The following FREM2 variants were observed in gnomAD, a reference collection of about 807,000 sequenced individuals.
The protein encoded by FREM2 is FRAS1 related extracellular matrix 2, also known as FRAS1-related extracellular matrix protein 2.
FREM2 carries 119 observed loss-of-function variants against 219.9 expected under a neutral mutation model. The observed-to-expected ratio is 0.54, with a 90% CI of 0.47 to 0.63. The LOEUF is 0.63. Among genes scored for constraint, FREM2 ranks in the 30% least tolerant of loss-of-function variants. FREM2 has a pLI of 0.00. For synonymous variants in FREM2, 1,562 were observed against 1,522.8 expected, an observed-to-expected ratio of 1.03 and a Z score of -0.60; for missense variants, 4,030 against 3,993.6, an observed-to-expected ratio of 1.01 and a Z score of -0.25.
At chr13:38,864,254 A>G (rs1447124086) in intron 15 of FREM2, 21 bp from the exon 16 acceptor site, 3 of 1,591,186 alleles carry the variant, frequency 1.9e-6, no homozygotes, top group Non-Finnish European at 2.6e-6. Context: ...GACTGTTAAC[A>G]ATGATTTCGA....
At position 38,764,195 on chromosome 13, in the gene FREM2, A is replaced by G. The variant is rs1274327802; in HGVS notation, c.5264-109A>G. On this transcript the variant is annotated intron_variant, in intron 2 of 23. Transcript: ENST00000280481. ...TATTCCAGAGTTGTGTATCAAACTA[A>G]GTAGCTGTATTGATTGTTAATGTTG... is the stretch of plus-strand genomic sequence containing the variant. The G allele has an allele frequency of 3.8e-6, 3 of 785,750 alleles. No homozygotes were observed. The African/African-American group carries it at 5.1e-5, about 13-fold the overall frequency. The allele number at this position is 785,750 out of a possible 1,614,324, so 48.7% of individuals were successfully genotyped here.
At chr13:38,843,033 C>T (rs1432301677) in intron 6 of FREM2, among the ~76,000 whole-genome samples, 1 of 152,046 alleles carries the variant, frequency 6.6e-6, no homozygotes, top group Non-Finnish European at 1.5e-5. Flanking sequence ...TTTGGCTTCC[C>T]TTATGAATTT....
intron 1 of FREM2, among the ~76,000 whole-genome samples, chr13:38,694,913 C>G (rs879273255): frequency 6.6e-6 from 1 of 152,040 alleles, no homozygotes; most frequent in African/African-American, 2.4e-5. Flanking sequence ...AATTTATAAG[C>G]CAGTTTCAGG....
At chr13:38,865,950 T>TA (rs1593453600) in intron 16 of FREM2, among the ~76,000 whole-genome samples, 2 of 152,246 alleles carry the variant, frequency 1.3e-5, no homozygotes, top group East Asian at 3.9e-4. Context: ...CATGGAAAAA[T>TA]AAAGATTCAA....
intron 2 of FREM2, among the ~76,000 whole-genome samples, chr13:38,755,324 T>G (rs1036412127): frequency 6.6e-6 from 1 of 152,048 alleles, no homozygotes; most frequent in African/African-American, 2.4e-5. Flanking sequence ...AACTCCCCCA[T>G]AGGAGGAACC....
chr13:38,687,953 G>A lies in FREM2; in HGVS notation c.609G>A (p.Arg203=), dbSNP rs1234438013. The stretch of plus-strand genomic sequence containing the variant: ...GGACCAGCAATGCCCTGGACGCGCG[G>A]AGCCTGGAGTTCGCCTTCCAGCCCG... ...LLGTSNALDA[R]SLEFAFQPET... The change falls in exon 1 of 24, where the codon CGG becomes CGA. Residue 203 remains arginine, a synonymous_variant. Transcript: ENST00000280481. 1 of 1,609,910 alleles carries A rather than the reference G, an allele frequency of 6.2e-7. No individual in the cohort carries two copies. Among genetic ancestry groups the A allele is most frequent in the East Asian group, 2.2e-5 (1 of 44,672 alleles).
chr13:38,882,523 C>G lies in FREM2; in HGVS notation c.*1736C>G, dbSNP rs1802674538. On this transcript the variant is annotated 3_prime_UTR_variant, in exon 24 of 24. Coordinates refer to ENST00000280481, the MANE Select transcript of FREM2 (RefSeq NM_207361.6). ...CTTAGGCAGCTCTGCACTTCATGTT[C>G]AGTTTTTTAAAAATAGACTGTAGTA... 6.6e-6 allele frequency: 1 copy of G among 152,144 alleles called. No homozygotes were observed. Among genetic ancestry groups the G allele is most frequent in the South Asian group, 2.1e-4 (1 of 4,828 alleles). 9.4% of individuals were successfully genotyped at this position (152,144 alleles called of 1,614,324 possible).
intron 6 of FREM2, among the ~76,000 whole-genome samples, chr13:38,786,650 A>T (rs1874340842): frequency 6.6e-6 from 1 of 152,168 alleles, no homozygotes; most frequent in Non-Finnish European, 1.5e-5. Context: ...AGAAAATGTA[A>T]TTCATGTTTA....
At position 38,690,673 on chromosome 13, in the gene FREM2, C is replaced by T; in HGVS notation, c.3329C>T (p.Pro1110Leu). ...ATCTTGTGCACTATAGTTATTCAGC[C>T]TACTTCAGGTTATGTTGAAAACATT... ...DDILCTIVIQ[P>L]TSGYVENISP... The change falls in exon 1 of 24, where the codon CCT (proline) becomes CTT (leucine). Residue 1110 changes from proline to leucine, a missense_variant. This residue lies in a region of FREM2 where 3,102 missense variants were observed against 2,950.7 expected (regional missense o/e 1.05). Transcript: ENST00000280481. 1 of 1,613,910 alleles carries T rather than the reference C, an allele frequency of 6.2e-7. No individual in the cohort carries two copies. The highest frequency in any genetic ancestry group is 8.5e-7 in the Non-Finnish European group (1 of 1,180,008).
At chr13:38,740,162 A>G (rs1451216535) in intron 2 of FREM2, among the ~76,000 whole-genome samples, 3 of 152,238 alleles carry the variant, frequency 2.0e-5, no homozygotes, top group Non-Finnish European at 4.4e-5. Context: ...GATATTCTCA[A>G]TATGTTTTTA....
chr13:38,742,778 A>C (rs1872302058), intron 2 of FREM2, among the ~76,000 whole-genome samples: 1 of 152,198 alleles, frequency 6.6e-6, no homozygotes, highest in African/African-American at 2.4e-5. Context: ...TAGTTCTCTC[A>C]ATGAATTTTG....
intron 2 of FREM2, among the ~76,000 whole-genome samples, chr13:38,758,675 A>G (rs939642576): frequency 4.6e-5 from 7 of 152,224 alleles, no homozygotes; most frequent in Admixed American, 6.5e-5. Flanking sequence ...AGATTCTCCT[A>G]TGGAAGATTC....
chr13:38,702,806 T>C (rs1870393230), intron 2 of FREM2, among the ~76,000 whole-genome samples: 1 of 152,168 alleles, frequency 6.6e-6, no homozygotes, highest in South Asian at 2.1e-4. Context: ...GAGTTCTGCC[T>C]GCTGAGTTTG....
At chr13:38,878,747 C>A in intron 22 of FREM2, 84 bp from the exon 23 acceptor site, 1 of 1,329,198 alleles carries the variant, frequency 7.5e-7, no homozygotes, top group Non-Finnish European at 1.1e-6. Context: ...TTTGTACTTG[C>A]ACAAAACAAA....
intron 6 of FREM2, among the ~76,000 whole-genome samples, chr13:38,789,472 T>C (rs993315660): frequency 1.3e-5 from 2 of 151,712 alleles, no homozygotes; most frequent in African/African-American, 4.8e-5. Flanking sequence ...TCTCTTTTCC[T>C]TTTCTCTTTC....
At chr13:38,801,693 G>C (rs1241212657) in intron 6 of FREM2, among the ~76,000 whole-genome samples, 2 of 152,128 alleles carry the variant, frequency 1.3e-5, no homozygotes, top group African/African-American at 4.8e-5. Context: ...AGGATGCTAG[G>C]TAGGCCAGTC....
rs1869658695 is a variant in FREM2, at chr13:38,689,063, G to A, written c.1719G>A (p.Glu573=). The change falls in exon 1 of 24, where the codon GAG becomes GAA. Residue 573 remains glutamate (E), a synonymous_variant. Coordinates refer to ENST00000280481, the MANE Select transcript of FREM2 (RefSeq NM_207361.6). ...LNANTGLTLA[E]GETVPILPLS... is the part of the protein sequence containing the mutation. Reference sequence around the variant, plus strand: ...CCAACACGGGGCTGACACTGGCAGAGGGTGAAACAGTGCCCATCCTGCCCC... The same window carrying A: ...CCAACACGGGGCTGACACTGGCAGAAGGTGAAACAGTGCCCATCCTGCCCC... 1.2e-6 allele frequency: 2 copies of A among 1,613,974 alleles called. No individual in the cohort carries two copies. The highest frequency in any genetic ancestry group is 1.7e-4 in the Middle Eastern group (1 of 6,060).
Position 38,719,388 on chromosome 13 carries a change from T to G in FREM2, c.5263+21601T>G, listed in dbSNP as rs144161977. On this transcript the variant is annotated intron_variant, in intron 2 of 23. Coordinates refer to ENST00000280481, the MANE Select transcript of FREM2 (RefSeq NM_207361.6). ...GGCATGCACCACCATGCCCAGCTAA[T>G]TTTTGTATTTTTAGTAGAGATGGGG... Among the ~76,000 whole-genome samples the G allele has an allele frequency of 3.5e-3, 537 of 152,222 alleles. 2 individuals are homozygous for G. Among genetic ancestry groups the G allele is most frequent in the African/African-American group, 0.012 (510 of 41,548 alleles).
intron 6 of FREM2, among the ~76,000 whole-genome samples, chr13:38,801,835 C>T (rs1875021763): frequency 6.6e-6 from 1 of 152,080 alleles, no homozygotes; most frequent in Non-Finnish European, 1.5e-5. Context: ...TGCTCAGATG[C>T]TATCAGTGGC....
Sources: gnomAD v4.1 joint callset for allele counts (sites outside exome capture counted in the v4.1 genomes callset) on GRCh38, gnomAD v4.1.1 for gene constraint, gnomAD v4.1.1 regional missense constraint, MANE v1.5 for transcripts, NCBI Gene and HGNC (gene_info 2026-07-23, HGNC 2026-07-21) for gene names.